Variants in RBM19 observed in about 807,000 individuals in gnomAD.
RBM19 encodes the protein probable RNA-binding protein 19.
A neutral mutation model predicts 116.8 loss-of-function variants in RBM19; 94 were observed. That is an observed-to-expected ratio of 0.80 (90% confidence interval 0.68 to 0.95). RBM19 has a LOEUF of 0.95. Among genes scored for constraint, RBM19 ranks in the 40% least tolerant of loss-of-function variants. RBM19 has a pLI of 0.00. For synonymous variants in RBM19, 475 were observed against 494.1 expected, an observed-to-expected ratio of 0.96 and a Z score of 0.51; for missense variants, 1,161 against 1,220.7, an observed-to-expected ratio of 0.95 and a Z score of 0.73.
Position 113,926,785 on chromosome 12 carries a change from C to T in RBM19, c.2244+269G>A, listed in dbSNP as rs576155704. 8.5e-5 allele frequency among the ~76,000 whole-genome samples: 13 copies of T among 152,300 alleles called. No individual in the cohort carries two copies. The East Asian group carries it at 1.5e-3, about 18-fold the overall frequency. ...AAACAACTACTGCCTTCATATTACA[C>T]GGTCTCCCGAAAGATTCCGGTATGC... On this transcript the variant is annotated intron_variant, in intron 17 of 23. Transcript: ENST00000261741.
At chr12:113,856,035 C>T (rs1373461639) in intron 22 of RBM19, among the ~76,000 whole-genome samples, 1 of 152,192 alleles carries the variant, frequency 6.6e-6, no homozygotes, top group Non-Finnish European at 1.5e-5. Context: ...AAGACGAGTG[C>T]GTTCCATGGC....
Position 113,927,054 on chromosome 12 carries a change from T to G in RBM19, c.2244A>C (p.Glu748Asp), listed in dbSNP as rs529722074. 2.5e-6 allele frequency: 4 copies of G among 1,612,502 alleles called. No homozygotes were observed. In the African/African-American group the frequency reaches 5.3e-5, roughly 22 times the overall value. Residue 748 changes from glutamate to aspartate, a missense_variant and splice_region_variant, in exon 17 of 24, where the codon GAA (glutamate) becomes GAC (aspartate). Transcript: ENST00000261741. ...CCTCCTGGGCTGAGAAACCACTCACTTCCTTCAGCTTCTCTTCTGTTGTGT... is the reference window on the plus strand; with the variant it reads ...CCTCCTGGGCTGAGAAACCACTCACGTCCTTCAGCTTCTCTTCTGTTGTGT... ...NFDTTEEKLK[E>D]VFSKVGTVKS...
chr12:113,916,895 T>C (rs1204091237), intron 20 of RBM19, among the ~76,000 whole-genome samples: 2 of 152,174 alleles, frequency 1.3e-5, no homozygotes, highest in East Asian at 1.9e-4. Context: ...CATGAAACTA[T>C]GAGATAATGT....
Position 113,949,293 on chromosome 12 carries a change from G to A in RBM19, c.1073-257C>T, listed in dbSNP as rs142319230. On this transcript the variant is annotated intron_variant, in intron 9 of 23. Transcript: ENST00000261741. ...GCCTGCCTGAGTTATCCCAGACCACGGTGATGCATTCTCTAAACTCCGGGC... is the reference window on the plus strand; with the variant it reads ...GCCTGCCTGAGTTATCCCAGACCACAGTGATGCATTCTCTAAACTCCGGGC... 1.0e-3 allele frequency among the ~76,000 whole-genome samples: 154 copies of A among 152,282 alleles called. No homozygotes were observed. The Middle Eastern group carries it at 0.01, about 10-fold the overall frequency.
At chr12:113,932,834 T>C in intron 16 of RBM19, 1 of 148,210 alleles carries the variant, frequency 6.7e-6, no homozygotes, top group Non-Finnish European at 1.5e-5. Flanking sequence ...GGCGGGGGAG[T>C]TGGGGGAAGG....
chr12:113,940,393 C>G (rs1870466542), intron 14 of RBM19, among the ~76,000 whole-genome samples: 1 of 145,998 alleles, frequency 6.8e-6, no homozygotes, highest in South Asian at 2.2e-4. Context: ...GCTGGAGCTT[C>G]TGGATCAAAT....
intron 21 of RBM19, among the ~76,000 whole-genome samples, 178 bp downstream of exon 21, chr12:113,914,790 TG>T (rs1882665747): frequency 6.6e-6 from 1 of 152,210 alleles, no homozygotes; most frequent in Admixed American, 6.5e-5. Context: ...CACAGTGCTC[TG>T]GGGAGCCACA....
rs149057618 is a variant in RBM19 at position 113,935,204 on chromosome 12, T to C, written c.2068+1803A>G. ...CACCACGTGTCCCCAGCCTGCCTCC[T>C]GTTGCCACCCAAGGCTGCGGGAAGA... On this transcript the variant is annotated intron_variant, in intron 16 of 23. Transcript: ENST00000261741. 7.7e-3 allele frequency among the ~76,000 whole-genome samples: 1,173 copies of C among 152,256 alleles called. 19 individuals are homozygous for C. Among genetic ancestry groups the C allele is most frequent in the African/African-American group, 0.027 (1,107 of 41,544 alleles).
chr12:113,928,367 A>G (rs751151968), intron 16 of RBM19, among the ~76,000 whole-genome samples: 2 of 151,268 alleles, frequency 1.3e-5, no homozygotes, highest in African/African-American at 2.4e-5. Flanking sequence ...AACAACAACA[A>G]CAACAACAAA....
Position 113,957,820 on chromosome 12 carries a change from G to C in RBM19, c.802C>G (p.Pro268Ala). 1 of 1,606,488 alleles carries C rather than the reference G, an allele frequency of 6.2e-7. No individual in the cohort carries two copies. The highest frequency in any genetic ancestry group is 2.2e-5 in the East Asian group (1 of 44,728). Residue 268 changes from proline (P) to alanine (A), a missense_variant, in exon 6 of 24, where the codon CCA becomes GCA. Physicochemically the swap from Pro to Ala is conservative, Grantham distance 27. Coordinates refer to ENST00000261741, the MANE Select transcript of RBM19 (RefSeq NM_016196.4). ...TCCGGTGGTCTCTTTTTCCCAGCTG[G>C]CATCCCTTGCTCTTGGCCTGCACCC... is the stretch of plus-strand genomic sequence containing the variant. Reference protein sequence around the residue: ...SKGAGQEQGMPAGKKRPPEAR... With the variant: ...SKGAGQEQGMAAGKKRPPEAR...
intron 21 of RBM19, among the ~76,000 whole-genome samples, chr12:113,889,802 A>C (rs1224333801): frequency 6.6e-6 from 1 of 152,086 alleles, no homozygotes; most frequent in East Asian, 1.9e-4. Context: ...AAAGAAACAC[A>C]TGTGGAACGA....
At chr12:113,901,293 C>T (rs981254254) in intron 21 of RBM19, among the ~76,000 whole-genome samples, 5 of 151,928 alleles carry the variant, frequency 3.3e-5, no homozygotes, top group Non-Finnish European at 5.9e-5. Context: ...TTCTCTTCCC[C>T]CACTTATCCC....
chr12:113,849,491 T>A (rs1276897688), intron 22 of RBM19, among the ~76,000 whole-genome samples: 1 of 152,228 alleles, frequency 6.6e-6, no homozygotes, highest in African/African-American at 2.4e-5. Flanking sequence ...TAGGAGTATG[T>A]CCCGTTCTGA....
At chr12:113,956,620 A>C (rs1253137964) in intron 6 of RBM19, among the ~76,000 whole-genome samples, 2 of 150,792 alleles carry the variant, frequency 1.3e-5, no homozygotes, top group Admixed American at 6.6e-5. Flanking sequence ...AGGCAGGGAG[A>C]GAAGTGATGC....
At chr12:113,946,504 A>G in intron 11 of RBM19, 29 bp from the exon 12 acceptor site, 4 of 1,613,916 alleles carry the variant, frequency 2.5e-6, no homozygotes, top group African/African-American at 2.7e-5. Context: ...AAGGGAGTAA[A>G]CAGAAGCCTT....
intron 22 of RBM19, among the ~76,000 whole-genome samples, chr12:113,848,397 G>A (rs1185177059): frequency 6.6e-6 from 1 of 152,236 alleles, no homozygotes; most frequent in African/African-American, 2.4e-5. Context: ...CACTGCCTGG[G>A]TGGCTGGAAT....
At chr12:113,938,781 G>A (rs201668881) in intron 15 of RBM19, among the ~76,000 whole-genome samples, 1 of 152,176 alleles carries the variant, frequency 6.6e-6, no homozygotes, top group East Asian at 1.9e-4. Flanking sequence ...GGGAGAAACT[G>A]GAGTGATGCA....
At chr12:113,846,649 G>A (rs1356123712) in intron 22 of RBM19, among the ~76,000 whole-genome samples, 4 of 152,152 alleles carry the variant, frequency 2.6e-5, no homozygotes, top group Non-Finnish European at 4.4e-5. Context: ...CCCTCGGAAG[G>A]AACCAATCCT....
chr12:113,819,286 G>C (rs1874266347), downstream of RBM19, among the ~76,000 whole-genome samples: 1 of 152,184 alleles, frequency 6.6e-6, no homozygotes, highest in African/African-American at 2.4e-5. Context: ...TCTGAGGCAC[G>C]TGTCCTACTG....
Sources: gnomAD v4.1 joint callset for allele counts (sites outside exome capture counted in the v4.1 genomes callset) on GRCh38, gnomAD v4.1.1 for gene constraint, MANE v1.5 for transcripts, NCBI Gene and HGNC (gene_info 2026-07-23, HGNC 2026-07-21) for gene names.